The following SLC25A21 variants were observed in gnomAD, a reference collection of about 807,000 sequenced individuals.
SLC25A21 encodes the protein mitochondrial 2-oxodicarboxylate carrier.
Under a neutral mutation model 43.8 loss-of-function variants are expected in SLC25A21, and 47 were observed. The ratio of observed to expected loss-of-function variants is 1.07; its 90% confidence interval spans 0.85 to 1.37. SLC25A21 has a LOEUF of 1.37. Among genes scored for constraint, SLC25A21 ranks in the 40% most tolerant of loss-of-function variants. SLC25A21 has a pLI of 0.00. For missense variants in SLC25A21, 352 were observed against 350.2 expected (o/e 1.00, Z -0.04); for synonymous variants, 131 against 121.3 (o/e 1.08, Z -0.52).
intron 3 of SLC25A21, among the ~76,000 whole-genome samples, chr14:36,796,981 T>C (rs1887697690): frequency 6.6e-6 from 1 of 152,156 alleles, no homozygotes; most frequent in Non-Finnish European, 1.5e-5. Context: ...TCTATCTATT[T>C]TACTCAGTGG....
intron 1 of SLC25A21, 136 bp from the exon 2 acceptor site, chr14:36,875,140 G>T: frequency 1.8e-6 from 1 of 558,472 alleles, no homozygotes; most frequent in Non-Finnish European, 3.2e-6. Flanking sequence ...AATAGTAATA[G>T]GCTAGTGGCA....
chr14:36,695,751 T>C (rs1055134249), intron 7 of SLC25A21, among the ~76,000 whole-genome samples: 1 of 152,230 alleles, frequency 6.6e-6, no homozygotes, highest in Admixed American at 6.5e-5. Context: ...TTTTGCACAT[T>C]GATTTTGTAT....
Position 36,858,521 on chromosome 14 carries a change from T to C in SLC25A21, c.119+16435A>G, listed in dbSNP as rs79065629. ...ATCCCAGATTTTCTTCTGTCTATCG[T>C]CTATGACCCATTTTCTTTTGTGTGA... is the stretch of plus-strand genomic sequence containing the variant. On this transcript the variant is annotated intron_variant, in intron 2 of 9. Transcript: ENST00000331299. Among the ~76,000 whole-genome samples the C allele has an allele frequency of 9.8e-3, 1,499 of 152,308 alleles. 27 individuals are homozygous for C. The highest frequency in any genetic ancestry group is 0.034 in the African/African-American group (1,425 of 41,562).
intron 1 of SLC25A21, among the ~76,000 whole-genome samples, chr14:37,150,317 A>T (rs372383900): frequency 6.6e-6 from 1 of 152,194 alleles, no homozygotes; most frequent in Non-Finnish European, 1.5e-5. Flanking sequence ...AAGCTTATCA[A>T]TGATTTCTAT....
chr14:37,106,771 T>C (rs927961958), intron 1 of SLC25A21, among the ~76,000 whole-genome samples: 3 of 152,190 alleles, frequency 2.0e-5, no homozygotes, highest in Non-Finnish European at 4.4e-5. Context: ...AAAAACTTGC[T>C]GGTCTGAGAC....
intron 1 of SLC25A21, among the ~76,000 whole-genome samples, chr14:37,138,445 T>C (rs1467659223): frequency 1.3e-5 from 2 of 152,132 alleles, no homozygotes; most frequent in Non-Finnish European, 1.5e-5. Flanking sequence ...AATGTGAAGA[T>C]TTTCATTGTA....
chr14:37,067,420 A>C (rs1156774320), intron 1 of SLC25A21, among the ~76,000 whole-genome samples: 1 of 152,202 alleles, frequency 6.6e-6, no homozygotes, highest in Non-Finnish European at 1.5e-5. Context: ...ATGTACTGAG[A>C]GACAATAACT....
chr14:36,864,286 C>T (rs972814334), intron 2 of SLC25A21, among the ~76,000 whole-genome samples: 33 of 152,196 alleles, frequency 2.2e-4, no homozygotes, highest in African/African-American at 8.0e-4. Context: ...TTTTAAAGCA[C>T]ATATTAATTC....
rs1322338963 is a variant in SLC25A21 at position 36,831,405 on chromosome 14, CT to C, written c.120-17405del. Among the ~76,000 whole-genome samples the C allele has an allele frequency of 5.9e-5, 9 of 152,124 alleles. 1 individual carries two copies. The highest frequency in any genetic ancestry group is 2.0e-4 in the Admixed American group (3 of 15,264). ...AATGTGGCTATTAGCAAATGTAAAACTATATGTATGATTCACATTATATTTC... is the reference window on the plus strand; with the variant it reads ...AATGTGGCTATTAGCAAATGTAAAACATATGTATGATTCACATTATATTTC... On this transcript the variant is annotated intron_variant, in intron 2 of 9. Transcript: ENST00000331299.
At chr14:36,741,821 G>C (rs1885275598) in intron 3 of SLC25A21, among the ~76,000 whole-genome samples, 1 of 152,192 alleles carries the variant, frequency 6.6e-6, no homozygotes, top group Non-Finnish European at 1.5e-5. Context: ...GACAGGGAAA[G>C]TGACACCAGA....
intron 1 of SLC25A21, among the ~76,000 whole-genome samples, chr14:37,030,385 T>C (rs1259195052): frequency 1.3e-5 from 2 of 152,174 alleles, no homozygotes; most frequent in East Asian, 1.9e-4. Context: ...GTACTTCTTT[T>C]GAGTCCCTGA....
intron 2 of SLC25A21, among the ~76,000 whole-genome samples, chr14:36,830,056 T>C (rs1018692295): frequency 2.6e-5 from 4 of 152,130 alleles, no homozygotes; most frequent in Non-Finnish European, 4.4e-5. Context: ...TTATTACATT[T>C]AAAGATGAAA....
At position 37,072,159 on chromosome 14, in the gene SLC25A21, G is replaced by A. The variant is rs143460208; in HGVS notation, c.70+100122C>T. ...ATTGCGCCACTGCACTCCAGCCTGC[G>A]TGACAGAGTGAGACTGTCTCAAAAA... On this transcript the variant is annotated intron_variant, in intron 1 of 9. Coordinates refer to ENST00000331299, the MANE Select transcript of SLC25A21 (RefSeq NM_030631.4). Among the ~76,000 whole-genome samples the A allele has an allele frequency of 2.5e-3, 346 of 136,790 alleles. 2 individuals are homozygous for A. The highest frequency in any genetic ancestry group is 9.7e-3 in the African/African-American group (323 of 33,164). The allele number at this position is 136,790 out of a possible 152,430, so 89.7% of individuals were successfully genotyped here. A position where few individuals can be genotyped will look rare whatever the true frequency, so the allele number is the denominator to read the frequency against.
At chr14:37,038,093 TGAG>T (rs1209749314) in intron 1 of SLC25A21, among the ~76,000 whole-genome samples, 1 of 152,200 alleles carries the variant, frequency 6.6e-6, no homozygotes, top group Non-Finnish European at 1.5e-5. Flanking sequence ...TATTGTGCTA[TGAG>T]GAGAAGGATC....
At chr14:36,958,200 A>G (rs1019202882) in intron 1 of SLC25A21, among the ~76,000 whole-genome samples, 8 of 152,120 alleles carry the variant, frequency 5.3e-5, no homozygotes, top group African/African-American at 1.9e-4. Flanking sequence ...CCATCATCCC[A>G]TAATGCCTAA....
At chr14:36,771,858 C>CA (rs1886632047) in intron 3 of SLC25A21, among the ~76,000 whole-genome samples, 1 of 151,926 alleles carries the variant, frequency 6.6e-6, no homozygotes, top group Admixed American at 6.6e-5. Context: ...CTGAGCTTTA[C>CA]AAAAAAACTC....
At chr14:36,680,817 C>T (rs1299162638) in intron 9 of SLC25A21, 98 bp from the exon 10 acceptor site, 3 of 1,007,462 alleles carry the variant, frequency 3.0e-6, no homozygotes, top group Non-Finnish European at 4.4e-6. Flanking sequence ...CACAGCCTGT[C>T]AGGCAGAGGC....
At chr14:36,688,189 C>T (rs905735115) in intron 7 of SLC25A21, among the ~76,000 whole-genome samples, 3 of 152,192 alleles carry the variant, frequency 2.0e-5, no homozygotes, top group Non-Finnish European at 4.4e-5. Flanking sequence ...AATCTCACTG[C>T]CCTTTAAGGT....
Position 36,711,466 on chromosome 14 carries a change from C to T in SLC25A21, c.455G>A (p.Gly152Asp). The T allele has an allele frequency of 2.5e-6, 4 of 1,613,794 alleles. No homozygotes were observed. The highest frequency in any genetic ancestry group is 3.4e-6 in the Non-Finnish European group (4 of 1,179,908). Residue 152 changes from glycine to aspartate, a missense_variant, in exon 7 of 10, where the codon GGT (glycine) becomes GAT (aspartate). Transcript: ENST00000331299. ...NTFAEQPSTV[G>D]YARQIIKKEG... ...CTTCTTAATGATTTGTCTTGCATAACCCACAGTGGATGGTTGCTGCAGAAG... is the reference window on the plus strand; with the variant it reads ...CTTCTTAATGATTTGTCTTGCATAATCCACAGTGGATGGTTGCTGCAGAAG...
Sources: allele counts gnomAD v4.1 joint callset (sites outside exome capture counted in the v4.1 genomes callset), GRCh38; gene constraint gnomAD v4.1.1; transcripts MANE v1.5; gene names NCBI Gene and HGNC (gene_info 2026-07-23, HGNC 2026-07-21).